The following MBD2 variants were observed in gnomAD, a reference collection of about 807,000 sequenced individuals.
The protein encoded by MBD2 is methyl-CpG-binding domain protein 2.
A neutral mutation model predicts 39.3 loss-of-function variants in MBD2; 9 were observed. The observed-to-expected ratio is 0.23, with a 90% CI of 0.14 to 0.40. The LOEUF is 0.40. MBD2 is among the 10% of genes least tolerant of loss of function. The probability of loss-of-function intolerance (pLI) is 1.00; values close to 1 mark genes in which losing one functional copy is unlikely to be tolerated. For missense variants in MBD2, 458 were observed against 532.6 expected (o/e 0.86, Z 1.38); for synonymous variants, 233 against 211.1 (o/e 1.10, Z -0.90).
chr18:54,170,573 G>A (rs2086172835), intron 3 of MBD2, among the ~76,000 whole-genome samples: 2 of 152,138 alleles, frequency 1.3e-5, no homozygotes, highest in South Asian at 4.2e-4. Flanking sequence ...AAAAGAGATG[G>A]CTTACTAGGA....
At chr18:54,178,031 T>C (rs2086224873) in intron 3 of MBD2, among the ~76,000 whole-genome samples, 1 of 151,922 alleles carries the variant, frequency 6.6e-6, no homozygotes, top group African/African-American at 2.4e-5. Context: ...CCTGTAGAGA[T>C]GGAGTCTCAC....
At chr18:54,215,382 C>T (rs976303021) in intron 1 of MBD2, among the ~76,000 whole-genome samples, 1 of 151,950 alleles carries the variant, frequency 6.6e-6, no homozygotes, top group African/African-American at 2.4e-5. Context: ...TAATACAGAC[C>T]ACTCGAACAA....
intron 2 of MBD2, among the ~76,000 whole-genome samples, chr18:54,191,644 T>G (rs1244733935): frequency 6.6e-6 from 1 of 152,210 alleles, no homozygotes; most frequent in Non-Finnish European, 1.5e-5. Flanking sequence ...TGACCTCTAC[T>G]TAAAGAACAT....
intron 1 of MBD2, among the ~76,000 whole-genome samples, chr18:54,209,150 G>C (rs1033818318): frequency 2.6e-5 from 4 of 151,938 alleles, no homozygotes; most frequent in Admixed American, 2.0e-4. Flanking sequence ...AAAAAAATTA[G>C]CCCAGCGTGG....
chr18:54,175,247 A>G (rs779569781), intron 3 of MBD2, among the ~76,000 whole-genome samples: 16 of 152,206 alleles, frequency 1.1e-4, no homozygotes, highest in Non-Finnish European at 1.5e-4. Flanking sequence ...CCTGTTTTTT[A>G]TTGTTTATTT....
intron 3 of MBD2, among the ~76,000 whole-genome samples, chr18:54,169,797 G>A (rs1287519940): frequency 6.6e-6 from 1 of 152,140 alleles, no homozygotes; most frequent in Non-Finnish European, 1.5e-5. Flanking sequence ...TAGGTATAAG[G>A]AACAGTGATT....
chr18:54,152,035 A>T lies in MBD2; in HGVS notation c.*3289T>A, dbSNP rs2086024916. 6.6e-6 allele frequency: 1 copy of T among 152,202 alleles called. No homozygotes were observed. The highest frequency in any genetic ancestry group is 1.5e-5 in the Non-Finnish European group (1 of 68,038). The allele number at this position is 152,202 out of a possible 1,614,324, so 9.4% of individuals were successfully genotyped here. A position where few individuals can be genotyped will look rare whatever the true frequency, so the allele number is the denominator to read the frequency against. On this transcript the variant is annotated 3_prime_UTR_variant, in exon 7 of 7. Coordinates refer to ENST00000256429, the MANE Select transcript of MBD2 (RefSeq NM_003927.5). ...ATGAAAAAGCACAATCTCTGCTTTT[A>T]CGGTGCTTACAGTCTAATAGTAGAA...
chr18:54,202,366 A>C (rs2086414845), intron 2 of MBD2, among the ~76,000 whole-genome samples: 1 of 152,214 alleles, frequency 6.6e-6, no homozygotes, highest in African/African-American at 2.4e-5. Context: ...TACTGAAGCC[A>C]GATTCACAAC....
chr18:54,219,575 G>T (rs1190949211), intron 1 of MBD2, among the ~76,000 whole-genome samples: 1 of 152,180 alleles, frequency 6.6e-6, no homozygotes, highest in Non-Finnish European at 1.5e-5. Context: ...TGGAATCCAA[G>T]AAGACTTTAA....
chr18:54,202,853 G>A (rs1247037125), intron 2 of MBD2: 15 of 1,419,212 alleles, frequency 1.1e-5, no homozygotes, highest in Non-Finnish European at 1.5e-5. Flanking sequence ...AGCTGAAGCA[G>A]ACAAACAAGT....
intron 6 of MBD2, 42 bp downstream of exon 6, chr18:54,159,723 C>T: frequency 6.3e-7 from 1 of 1,591,004 alleles, no homozygotes; most frequent in Non-Finnish European, 8.5e-7. Flanking sequence ...GCCAAGAAAA[C>T]ACACCTTAAG....
intron 2 of MBD2, among the ~76,000 whole-genome samples, chr18:54,204,556 C>A (rs528201225): frequency 1.3e-5 from 2 of 152,238 alleles, no homozygotes; most frequent in South Asian, 4.2e-4. Flanking sequence ...GGATATTATT[C>A]AAAAAGTCAT....
intron 1 of MBD2, among the ~76,000 whole-genome samples, chr18:54,210,574 A>G (rs191106832): frequency 1.8e-4 from 27 of 152,334 alleles, no homozygotes; most frequent in African/African-American, 6.5e-4. Context: ...GTTCAGTCAA[A>G]CCATTATGAG....
intron 3 of MBD2, among the ~76,000 whole-genome samples, chr18:54,170,802 G>A (rs1233225527): frequency 6.6e-6 from 1 of 152,124 alleles, no homozygotes; most frequent in Non-Finnish European, 1.5e-5. Context: ...AAGGCTTCTA[G>A]GAAGAGGTAG....
intron 5 of MBD2, among the ~76,000 whole-genome samples, chr18:54,162,195 C>A (rs973891857): frequency 6.6e-6 from 1 of 152,228 alleles, no homozygotes; most frequent in Non-Finnish European, 1.5e-5. Context: ...TCTGACCCCA[C>A]AGAACTTTAA....
chr18:54,224,367 T>C lies in MBD2; in HGVS notation c.193A>G (p.Lys65Glu). 3.3e-6 allele frequency: 4 copies of C among 1,195,108 alleles called. No homozygotes were observed. The highest frequency in any genetic ancestry group is 4.2e-6 in the Non-Finnish European group (4 of 963,598). 74.0% of individuals were successfully genotyped at this position (1,195,108 alleles called of 1,614,324 possible). A position where few individuals can be genotyped will look rare whatever the true frequency, so the allele number is the denominator to read the frequency against. The change falls in exon 1 of 7, where the codon AAG (lysine) becomes GAG (glutamate). Residue 65 changes from lysine to glutamate, a missense_variant. Lys to Glu is a moderately conservative substitution (Grantham distance 56, BLOSUM62 1). This residue lies in a region of MBD2 where 269 missense variants were observed against 236.0 expected (regional missense o/e 1.14). Transcript: ENST00000256429. ...RGGGRGRGRWKQAGRGGGVCG... is the reference protein window; with the variant it reads ...RGGGRGRGRWEQAGRGGGVCG... ...ACGCCGCCGCCCCGGCCCGCCTGCT[T>C]CCACCGCCCCCGGCCACGGCCGCCG...
At position 54,224,311 on chromosome 18, in the gene MBD2, G is replaced by T. The variant is rs2086643352; in HGVS notation, c.249C>A (p.Gly83=). 4.1e-6 allele frequency: 4 copies of T among 964,806 alleles called. No homozygotes were observed. The highest frequency in any genetic ancestry group is 4.9e-6 in the Non-Finnish European group (4 of 811,106). 59.8% of individuals were successfully genotyped at this position (964,806 alleles called of 1,614,324 possible). A position where few individuals can be genotyped will look rare whatever the true frequency, so the allele number is the denominator to read the frequency against. Residue 83 remains glycine (G), a synonymous_variant, in exon 1 of 7, where the codon GGC becomes GGA. Transcript: ENST00000256429. The part of the protein sequence containing the change: ...VCGRGRGRGR[G]RGRGRGRGRG... ...GGCCCCGGCCCCGTCCCCGTCCCCG[G>T]CCACGGCCCCGGCCCCGGCCACGGC...
rs997563505 is a variant in MBD2, at chr18:54,152,708, C to T, written c.*2616G>A. The stretch of plus-strand genomic sequence containing the variant: ...CTTGGAAAGGATGTAAAACTCACAC[C>T]TGCAGGGATAGCGACAATAGTGTGC... On this transcript the variant is annotated 3_prime_UTR_variant, in exon 7 of 7. Coordinates refer to ENST00000256429, the MANE Select transcript of MBD2 (RefSeq NM_003927.5). 5.9e-5 allele frequency: 9 copies of T among 152,214 alleles called. No individual in the cohort carries two copies. Among genetic ancestry groups the T allele is most frequent in the African/African-American group, 2.2e-4 (9 of 41,436 alleles). 9.4% of individuals were successfully genotyped at this position (152,214 alleles called of 1,614,324 possible).
intron 1 of MBD2, among the ~76,000 whole-genome samples, chr18:54,219,223 C>T (rs1036343834): frequency 3.3e-5 from 5 of 152,216 alleles, no homozygotes; most frequent in African/African-American, 1.2e-4. Context: ...AGGCTTTCCA[C>T]AGTACCTTCA....
Sources: gnomAD v4.1 joint callset for allele counts (sites outside exome capture counted in the v4.1 genomes callset) on GRCh38, gnomAD v4.1.1 for gene constraint, gnomAD v4.1.1 regional missense constraint, MANE v1.5 for transcripts, NCBI Gene and HGNC (gene_info 2026-07-23, HGNC 2026-07-21) for gene names.